ZSCAN5A: variants seen among roughly 807,000 people sequenced by gnomAD.
ZSCAN5A encodes zinc finger and SCAN domain containing 5A.
ZSCAN5A carries 12 observed loss-of-function variants against 23.7 expected under a neutral mutation model. The observed-to-expected ratio is 0.51, with a 90% CI of 0.32 to 0.82. The LOEUF is 0.82. Ranked by LOEUF, ZSCAN5A falls within the 40% of genes least tolerant of loss-of-function variation. ZSCAN5A has a pLI of 0.03. For synonymous variants in ZSCAN5A, 257 were observed against 239.9 expected (o/e 1.07, Z -0.66); for missense variants, 597 against 617.9 (o/e 0.97, Z 0.36).
chr19:56,368,022 T>C (rs1461722098), intron 1 of ZSCAN5A: 1 of 152,286 alleles, frequency 6.6e-6, no homozygotes, highest in Non-Finnish European at 1.5e-5. Flanking sequence ...CTGGTACTGA[T>C]ATACGCTTCA....
At chr19:56,256,120 A>G (rs139693650) in intron 2 of ZSCAN5A, among the ~76,000 whole-genome samples, 1 of 152,246 alleles carries the variant, frequency 6.6e-6, no homozygotes. Flanking sequence ...GCTTTAAAAT[A>G]CAGAAAAAAG....
At position 56,239,845 on chromosome 19, in the gene ZSCAN5A, C is replaced by T. The variant is rs117163960; in HGVS notation, c.-127-14672G>A. Among the ~76,000 whole-genome samples, 68 of 152,104 alleles carry T rather than the reference C, an allele frequency of 4.5e-4. No homozygotes were observed. The East Asian group carries it at 0.011, about 24-fold the overall frequency. ...TTAGGATATTACTGTCTGTGTGGCG[C>T]GAGGGGACCCAAAGTGATTAAAACT... is the stretch of plus-strand genomic sequence containing the variant. On this transcript the variant is annotated intron_variant, in intron 2 of 5. Transcript: ENST00000683990.
At chr19:56,302,600 C>CCTT (rs1568726800) in intron 2 of ZSCAN5A, among the ~76,000 whole-genome samples, 2 of 70,942 alleles carry the variant, frequency 2.8e-5, no homozygotes, top group Non-Finnish European at 5.8e-5. Context: ...TCCTCTCCCT[C>CCTT]TTCTTCCTCT....
intron 2 of ZSCAN5A, among the ~76,000 whole-genome samples, chr19:56,362,985 T>C (rs2041743932): frequency 6.6e-6 from 1 of 152,028 alleles, no homozygotes; most frequent in Admixed American, 6.6e-5. Flanking sequence ...ATACAACTAC[T>C]CAAGAAAAAA....
At chr19:56,307,120 C>T (rs935226365) in intron 2 of ZSCAN5A, among the ~76,000 whole-genome samples, 3 of 109,786 alleles carry the variant, frequency 2.7e-5, no homozygotes, top group African/African-American at 1.1e-4. Context: ...AAAGAGGCTC[C>T]TCCCTGGCCT....
At chr19:56,260,040 A>G (rs2037006059) in intron 2 of ZSCAN5A, among the ~76,000 whole-genome samples, 1 of 152,206 alleles carries the variant, frequency 6.6e-6, no homozygotes. Context: ...AAAAGTTAAT[A>G]AAAATAACAA....
At chr19:56,280,541 G>C (rs543953466) in intron 2 of ZSCAN5A, 1 of 152,128 alleles carries the variant, frequency 6.6e-6, no homozygotes, top group East Asian at 1.9e-4. Context: ...TTATCATCTA[G>C]ATATAACCAC....
At chr19:56,325,785 C>A (rs188722853) in intron 2 of ZSCAN5A, among the ~76,000 whole-genome samples, 2 of 152,110 alleles carry the variant, frequency 1.3e-5, no homozygotes, top group African/African-American at 4.8e-5. Context: ...GATTTTATGA[C>A]AAGAAATATT....
chr19:56,313,572 G>C (rs10445590), intron 1 of ZSCAN5A, among the ~76,000 whole-genome samples, 188 bp from the exon 2 acceptor site: 1 of 152,308 alleles, frequency 6.6e-6, no homozygotes, highest in Admixed American at 6.5e-5. Flanking sequence ...CCGTAGGTAA[G>C]TTAGGCAAAA....
At chr19:56,302,516 TCCTC>T (rs71184347) in intron 2 of ZSCAN5A, among the ~76,000 whole-genome samples, 29,410 of 70,000 alleles carry the variant, frequency 0.42, 4,807 homozygotes, top group Non-Finnish European at 0.47. Flanking sequence ...CTTCTTTCCT[TCCTC>T]CCTCCCTCCC....
chr19:56,223,721 G>A lies in ZSCAN5A; in HGVS notation c.498C>T (p.Ala166=). The change falls in exon 4 of 6, where the codon GCC becomes GCT. Residue 166 remains alanine, a synonymous_variant. Transcript: ENST00000683990. The part of the protein sequence containing the change: ...DDLKDVSSQR[A]SSVNQMRPGE... ...CTGGACGCATCTGGTTCACCGAGGA[G>A]GCCCGTTGGCTGGACACGTCTTTCA... 2 of 1,613,962 alleles carry A rather than the reference G, an allele frequency of 1.2e-6. No homozygotes were observed. The highest frequency in any genetic ancestry group is 1.7e-6 in the Non-Finnish European group (2 of 1,180,000).
intron 2 of ZSCAN5A, among the ~76,000 whole-genome samples, chr19:56,360,515 G>C (rs988176218): frequency 2.0e-5 from 3 of 152,090 alleles, no homozygotes; most frequent in African/African-American, 7.2e-5. Flanking sequence ...GCAGTTTATA[G>C]CTTTAATGCT....
intron 2 of ZSCAN5A, among the ~76,000 whole-genome samples, chr19:56,254,743 G>C (rs2036582401): frequency 6.6e-6 from 1 of 152,050 alleles, no homozygotes; most frequent in African/African-American, 2.4e-5. Flanking sequence ...GTTATTTTCT[G>C]TTTTTTGATA....
chr19:56,347,896 C>A (rs935194765), intron 2 of ZSCAN5A: 3 of 152,274 alleles, frequency 2.0e-5, no homozygotes, highest in African/African-American at 7.2e-5. Context: ...CTAGCAGCAG[C>A]TTTGCAGGCT....
At chr19:56,297,515 T>G (rs1035542869) in intron 2 of ZSCAN5A, 4 of 985,052 alleles carry the variant, frequency 4.1e-6, no homozygotes, top group Non-Finnish European at 4.8e-6. Flanking sequence ...AAGAAACAAG[T>G]GGCTGCAAGG....
At chr19:56,256,310 G>A (rs1292940359) in intron 2 of ZSCAN5A, among the ~76,000 whole-genome samples, 3 of 151,946 alleles carry the variant, frequency 2.0e-5, no homozygotes, top group Non-Finnish European at 4.4e-5. Flanking sequence ...CTCCCTCCTC[G>A]GCCTCCTGAG....
intron 2 of ZSCAN5A, among the ~76,000 whole-genome samples, chr19:56,274,274 C>T (rs1477472303): frequency 1.3e-5 from 2 of 151,762 alleles, no homozygotes; most frequent in African/African-American, 2.4e-5. Context: ...GCCAACATGG[C>T]GAAACCCCAT....
intron 2 of ZSCAN5A, among the ~76,000 whole-genome samples, chr19:56,292,066 T>C (rs781040933): frequency 4.6e-5 from 7 of 152,114 alleles, no homozygotes; most frequent in Non-Finnish European, 7.4e-5. Context: ...GACGGTGGGT[T>C]ACGGATCCTG....
chr19:56,248,725 G>A (rs2036131093), intron 2 of ZSCAN5A, among the ~76,000 whole-genome samples: 4 of 152,220 alleles, frequency 2.6e-5, no homozygotes, highest in East Asian at 1.9e-4. Context: ...GAGCCACCAC[G>A]CCTGGCTAAT....
Sources: allele counts gnomAD v4.1 joint callset (sites outside exome capture counted in the v4.1 genomes callset), GRCh38; gene constraint gnomAD v4.1.1; transcripts MANE v1.5; gene names NCBI Gene and HGNC (gene_info 2026-07-23, HGNC 2026-07-21).